The following NEB variants were observed in gnomAD, a reference collection of about 807,000 sequenced individuals.
NEB encodes the protein nemaline myopathy type 2.
In NEB, 512 loss-of-function variants were observed where a neutral mutation model predicts 952.2. That is an observed-to-expected ratio of 0.54 (90% CI 0.50 to 0.58). The LOEUF is 0.58. Ranked by LOEUF, NEB falls within the 20% of genes least tolerant of loss-of-function variation. The probability of loss-of-function intolerance (pLI) is 0.00; values close to 1 mark genes in which losing one functional copy is unlikely to be tolerated. For missense variants in NEB, 8,428 were observed against 9,231.1 expected, an observed-to-expected ratio of 0.91 and a Z score of 3.56; for synonymous variants, 2,900 against 3,149.8, an observed-to-expected ratio of 0.92 and a Z score of 2.66.
rs1304268461 is a variant in NEB at position 151,609,399 on chromosome 2, G to A, written c.12330+410C>T. On this transcript the variant is annotated intron_variant, in intron 81 of 181. Coordinates refer to ENST00000397345, the MANE Select transcript of NEB (RefSeq NM_001164508.2). ...AAACATAATTATTTATACTAGCCAT[G>A]AATAATAATATATATAGTAATAAAG... Among the ~76,000 whole-genome samples the A allele has an allele frequency of 2.6e-5, 4 of 151,898 alleles. No homozygotes were observed. In the South Asian group the frequency reaches 8.3e-4, roughly 32 times the overall value.
At chr2:151,577,315 T>G (rs1018776822) in intron 105 of NEB, among the ~76,000 whole-genome samples, 6 of 152,188 alleles carry the variant, frequency 3.9e-5, no homozygotes, top group African/African-American at 1.4e-4. Context: ...CTGTGTGTCC[T>G]GATCACACAG....
At chr2:151,493,638 GTTGTTT>G in intron 175 of NEB, 131 bp downstream of exon 175, 1 of 825,034 alleles carries the variant, frequency 1.2e-6, no homozygotes, top group Non-Finnish European at 1.8e-6. Flanking sequence ...GGGTTGGTTT[GTTGTTT>G]TTAAGTGGAC....
At chr2:151,514,986 C>T in intron 157 of NEB, 58 bp from the exon 158 acceptor site, 8 of 1,090,320 alleles carry the variant, frequency 7.3e-6, no homozygotes, top group Non-Finnish European at 1.1e-5. Flanking sequence ...CAATATATCT[C>T]TCCATCTCAG....
chr2:151,657,446 G>A (rs765583084), intron 48 of NEB, among the ~76,000 whole-genome samples: 8 of 152,004 alleles, frequency 5.3e-5, no homozygotes, highest in South Asian at 4.1e-4. Context: ...CTTTTTTGCC[G>A]GCCAGCGCAG....
Position 151,524,412 on chromosome 2 carries a change from C to G in NEB, c.22378G>C (p.Glu7460Gln). 6.2e-7 allele frequency: 1 copy of G among 1,613,922 alleles called. No homozygotes were observed. The highest frequency in any genetic ancestry group is 2.2e-5 in the East Asian group (1 of 44,868). ...TQAAKQASEVEYRAKHRKEGS... is the reference protein window; with the variant it reads ...TQAAKQASEVQYRAKHRKEGS... ...TCCTTGCGGTGCTTGGCTCTGTACT[C>G]CACCTGAATCAGAGAAAACCAAAAT... The change falls in exon 153 of 182, where the codon GAG becomes CAG. Residue 7460 changes from glutamate to glutamine, a missense_variant. Physicochemically the swap from Glu to Gln is conservative, Grantham distance 29. Around this residue, in one of 11 missense-constraint regions of NEB, gnomAD observed 3,374 missense variants for 3,651.5 expected, o/e 0.92. Coordinates refer to ENST00000397345, the MANE Select transcript of NEB (RefSeq NM_001164508.2).
At chr2:151,577,210 A>G (rs1017618332) in intron 105 of NEB, among the ~76,000 whole-genome samples, 2 of 152,228 alleles carry the variant, frequency 1.3e-5, no homozygotes, top group Admixed American at 6.5e-5. Flanking sequence ...TAGGATAAAC[A>G]TCAAAATCCC....
chr2:151,649,826 TGTGTAA>T (rs1322424571), intron 54 of NEB, among the ~76,000 whole-genome samples: 1 of 152,200 alleles, frequency 6.6e-6, no homozygotes, highest in African/African-American at 2.4e-5. Context: ...CCATTGTGCC[TGTGTAA>T]GGTACTCAGA....
chr2:151,563,747 C>T lies in NEB; in HGVS notation c.18580-28G>A, dbSNP rs374486889. 27 of 1,608,334 alleles carry T rather than the reference C, an allele frequency of 1.7e-5. No individual in the cohort carries two copies. The African/African-American group carries it at 2.3e-4, about 14-fold the overall frequency. ...GTAAAGTGGGTTAAACATTGAGAAT[C>T]GCTGGAGTTTCCTAACCAGCCCCTT... On this transcript the variant is annotated intron_variant, in intron 118 of 181. Transcript: ENST00000397345.
At position 151,514,864 on chromosome 2, in the gene NEB, G is replaced by T; in HGVS notation, c.22970C>A (p.Thr7657Lys). The change falls in exon 158 of 182, where the codon ACG becomes AAG. Residue 7657 changes from threonine (T) to lysine (K), a missense_variant. Transcript: ENST00000397345. Reference protein sequence around the residue: ...KGRNLTGLEVTPALLHVKYAT... With the variant: ...KGRNLTGLEVKPALLHVKYAT... The stretch of plus-strand genomic sequence containing the variant: ...ATATTTGACATGTAACAAAGCTGGC[G>T]TGACCTCCAGGCCAGTCAGGTTTCT... 1 of 1,588,224 alleles carries T rather than the reference G, an allele frequency of 6.3e-7. No individual in the cohort carries two copies. Among genetic ancestry groups the T allele is most frequent in the Admixed American group, 1.8e-5 (1 of 56,516 alleles).
At chr2:151,536,050 G>A (rs1283250457) in intron 141 of NEB, among the ~76,000 whole-genome samples, 3 of 152,126 alleles carry the variant, frequency 2.0e-5, no homozygotes, top group Non-Finnish European at 2.9e-5. Context: ...GGGACTACAG[G>A]TTGTACACCA....
chr2:151,627,322 T>C, intron 69 of NEB, 117 bp from the exon 70 acceptor site: 1 of 1,386,520 alleles, frequency 7.2e-7, no homozygotes, highest in South Asian at 1.5e-5. Context: ...CGTTCTTCAA[T>C]ATATGAAGGC....
intron 3 of NEB, among the ~76,000 whole-genome samples, chr2:151,732,652 TA>T (rs2099811672): frequency 6.6e-6 from 1 of 152,196 alleles, no homozygotes. Context: ...TATAATTTCA[TA>T]CATATGATTA....
intron 156 of NEB, 79 bp downstream of exon 156, chr2:151,518,239 G>T: frequency 2.0e-6 from 2 of 999,876 alleles, no homozygotes; most frequent in African/African-American, 1.6e-5. Context: ...AAACAATGGA[G>T]GGAATCTATG....
rs2057088248 is a variant in NEB at position 151,492,083 on chromosome 2, C to T, written c.25057+15G>A. 1 of 1,612,964 alleles carries T rather than the reference C, an allele frequency of 6.2e-7. No individual in the cohort carries two copies. The highest frequency in any genetic ancestry group is 1.7e-5 in the Admixed American group (1 of 60,000). On this transcript the variant is annotated intron_variant, in intron 178 of 181. Transcript: ENST00000397345. The stretch of plus-strand genomic sequence containing the variant: ...ACTTAAAGTTAATCCCCTCCCCCAA[C>T]CCAGGCTCAGTTACCTGTAATAGTC...
At chr2:151,680,636 T>C (rs1404207599) in intron 30 of NEB, 94 bp downstream of exon 30, 1 of 926,888 alleles carries the variant, frequency 1.1e-6, no homozygotes, top group East Asian at 2.4e-5. Flanking sequence ...TCTCTTCATA[T>C]TGTATAATAA....
intron 181 of NEB, among the ~76,000 whole-genome samples, chr2:151,489,437 C>T (rs1247465994): frequency 6.6e-6 from 1 of 152,168 alleles, no homozygotes; most frequent in Non-Finnish European, 1.5e-5. Flanking sequence ...CTCCCTCTGT[C>T]ATCCAGGCTG....
rs1322284142 is a variant in NEB, at chr2:151,627,664, G to A, written c.10002C>T (p.Asp3334=). Residue 3334 remains aspartate, a synonymous_variant, in exon 69 of 182, where the codon GAC becomes GAT. Coordinates refer to ENST00000397345, the MANE Select transcript of NEB (RefSeq NM_001164508.2). Reference sequence around the variant, plus strand: ...TCTTGGCTAACACCACTCCCAGCATGTCCACTGGGCTGCTGAACTTGGTCT... The same window carrying A: ...TCTTGGCTAACACCACTCCCAGCATATCCACTGGGCTGCTGAACTTGGTCT... ...KWKTKFSSPV[D]MLGVVLAKKC... 3 of 1,613,956 alleles carry A rather than the reference G, an allele frequency of 1.9e-6. No homozygotes were observed. Among genetic ancestry groups the A allele is most frequent in the Admixed American group, 3.3e-5 (2 of 60,016 alleles).
intron 124 of NEB, among the ~76,000 whole-genome samples, chr2:151,558,641 C>T (rs771325584): frequency 9.9e-5 from 15 of 152,048 alleles, no homozygotes; most frequent in Admixed American, 1.3e-4. Flanking sequence ...TCAGAAACAA[C>T]GCCACATATC....
rs778824203 is a variant in NEB at position 151,519,072 on chromosome 2, G to C, written c.22591-3C>G. The C allele has an allele frequency of 1.3e-6, 2 of 1,579,564 alleles. No individual in the cohort carries two copies. Among genetic ancestry groups the C allele is most frequent in the Non-Finnish European group, 1.7e-6 (2 of 1,148,746 alleles). ...TTCAGGTCAGCCTTGTATTTAACCT[G>C]TGTGTTATGGGGGAAGAAAGGAAAT... On this transcript the variant is annotated splice_polypyrimidine_tract_variant and splice_region_variant and intron_variant, in intron 154 of 181. Coordinates refer to ENST00000397345, the MANE Select transcript of NEB (RefSeq NM_001164508.2).
Sources: gnomAD v4.1 joint callset for allele counts (sites outside exome capture counted in the v4.1 genomes callset) on GRCh38, gnomAD v4.1.1 for gene constraint, gnomAD v4.1.1 regional missense constraint, MANE v1.5 for transcripts, NCBI Gene and HGNC (gene_info 2026-07-23, HGNC 2026-07-21) for gene names.